Variants in NUF2 observed in about 807,000 individuals in gnomAD.
NUF2 encodes the protein NUF2 component of NDC80 kinetochore complex, also known as kinetochore protein Nuf2.
NUF2 carries 34 observed loss-of-function variants against 61.8 expected under a neutral mutation model. The observed-to-expected ratio is 0.55, with a 90% CI of 0.42 to 0.73. The LOEUF (loss-of-function observed/expected upper bound fraction) is 0.73. NUF2 is among the 30% of genes least tolerant of loss of function. The probability of loss-of-function intolerance (pLI) is 0.00; values close to 1 mark genes in which losing one functional copy is unlikely to be tolerated. For synonymous variants in NUF2, 172 were observed against 181.6 expected, an observed-to-expected ratio of 0.95 and a Z score of 0.42; for missense variants, 445 against 539.1, an observed-to-expected ratio of 0.83 and a Z score of 1.73.
chr1:163,343,546 T>A (rs1651017234), intron 9 of NUF2, among the ~76,000 whole-genome samples, 187 bp from the exon 10 acceptor site: 1 of 152,146 alleles, frequency 6.6e-6, no homozygotes, highest in South Asian at 2.1e-4. Context: ...TTGAATGTCC[T>A]GCTAAGGAGC....
intron 13 of NUF2, among the ~76,000 whole-genome samples, chr1:163,354,717 A>G (rs10449259): frequency 0.42 from 63,198 of 151,940 alleles, 13,538 homozygotes; most frequent in South Asian, 0.59. Context: ...TTTTGTCTAA[A>G]AGAAGTAAAT....
chr1:163,335,534 A>G (rs1286786039), intron 5 of NUF2, among the ~76,000 whole-genome samples: 1 of 151,328 alleles, frequency 6.6e-6, no homozygotes, highest in East Asian at 1.9e-4. Context: ...AGCCGTTTGA[A>G]TATAATGTGA....
chr1:163,347,683 C>T, intron 11 of NUF2, 80 bp from the exon 12 acceptor site: 2 of 980,466 alleles, frequency 2.0e-6, no homozygotes, highest in Non-Finnish European at 2.9e-6. Flanking sequence ...AATTATAGTT[C>T]ATCCTAGAAA....
chr1:163,349,467 A>G (rs955160535), intron 13 of NUF2, among the ~76,000 whole-genome samples: 1 of 152,214 alleles, frequency 6.6e-6, no homozygotes, highest in African/African-American at 2.4e-5. Context: ...CTACCAGAAC[A>G]ATAGTTCAAA....
rs1441708665 is a variant in NUF2 at position 163,340,399 on chromosome 1, A to C, written c.642A>C (p.Ser214=). ...AAGAGGGAAATTCCCAAAAGAAGTC[A>C]AATATTTCAGAGAAAACCAAGCGTT... is the stretch of plus-strand genomic sequence containing the variant. ...VLQEGNSQKK[S]NISEKTKRLN... is the part of the protein sequence containing the mutation. Residue 214 remains serine (S), a synonymous_variant, in exon 9 of 14, where the codon TCA becomes TCC. Transcript: ENST00000271452. 6.2e-7 allele frequency: 1 copy of C among 1,611,590 alleles called. No individual in the cohort carries two copies. Among genetic ancestry groups the C allele is most frequent in the East Asian group, 2.2e-5 (1 of 44,672 alleles).
chr1:163,324,771 A>C (rs1650355450), intron 1 of NUF2, among the ~76,000 whole-genome samples: 1 of 152,164 alleles, frequency 6.6e-6, no homozygotes, highest in Non-Finnish European at 1.5e-5. Context: ...GAAAATGAAA[A>C]GATCCTTACT....
chr1:163,346,580 C>G (rs1042893777), intron 11 of NUF2, among the ~76,000 whole-genome samples: 5 of 152,138 alleles, frequency 3.3e-5, no homozygotes, highest in African/African-American at 1.2e-4. Flanking sequence ...CAGGGCTGGG[C>G]ATGGTGGCTC....
In NUF2 at chr1:163,347,955, A is replaced by T; in HGVS notation, c.1124+17A>T. The T allele has an allele frequency of 1.4e-6, 2 of 1,450,912 alleles. No individual in the cohort carries two copies. Among genetic ancestry groups the T allele is most frequent in the Non-Finnish European group, 1.8e-6 (2 of 1,091,972 alleles). 89.9% of individuals were successfully genotyped at this position (1,450,912 alleles called of 1,614,324 possible). ...AGTAATTGAGTATGGAGTTGTTTTC[A>T]ATTTTAGTGTATTAGAAAGCAATTA... On this transcript the variant is annotated intron_variant, in intron 12 of 13. Coordinates refer to ENST00000271452, the MANE Select transcript of NUF2 (RefSeq NM_145697.3).
chr1:163,346,931 C>CAAT (rs1651155193), intron 11 of NUF2, among the ~76,000 whole-genome samples: 1 of 152,146 alleles, frequency 6.6e-6, no homozygotes, highest in Admixed American at 6.5e-5. Context: ...GAACAGCACA[C>CAAT]AATTTAAAAC....
rs187712112 is a variant in NUF2, at chr1:163,342,536, G to A, written c.670-1197G>A. Among the ~76,000 whole-genome samples the A allele has an allele frequency of 6.6e-5, 10 of 152,202 alleles. No homozygotes were observed. In the East Asian group the frequency reaches 7.7e-4, roughly 12 times the overall value. ...ATTATATCTAACATTCAGTTTTGGC[G>A]TCTGAGTTAGCTGATCAAAAAGTAA... is the stretch of plus-strand genomic sequence containing the variant. On this transcript the variant is annotated intron_variant, in intron 9 of 13. Transcript: ENST00000271452.
At chr1:163,348,853 C>CA in intron 12 of NUF2, 92 bp from the exon 13 acceptor site, 1 of 1,381,920 alleles carries the variant, frequency 7.2e-7, no homozygotes, top group South Asian at 1.3e-5. Context: ...CAAATACTGA[C>CA]ACATGGTCAC....
chr1:163,337,314 A>G (rs1650790405), intron 6 of NUF2, among the ~76,000 whole-genome samples: 1 of 151,908 alleles, frequency 6.6e-6, no homozygotes, highest in African/African-American at 2.4e-5. Flanking sequence ...ACAGACAGAA[A>G]CTCATTTTCC....
At chr1:163,331,782 G>C (rs1233957190) in intron 5 of NUF2, among the ~76,000 whole-genome samples, 1 of 151,940 alleles carries the variant, frequency 6.6e-6, no homozygotes, top group East Asian at 1.9e-4. Context: ...ACATAAAATT[G>C]TTCATTATAT....
intron 6 of NUF2, 140 bp downstream of exon 6, chr1:163,336,988 T>A: frequency 1.7e-6 from 1 of 587,424 alleles, no homozygotes; most frequent in Non-Finnish European, 3.0e-6. Context: ...ATATTTATAT[T>A]AACTTGCAGA....
intron 5 of NUF2, among the ~76,000 whole-genome samples, chr1:163,334,628 A>C (rs1331914602): frequency 6.6e-6 from 1 of 152,118 alleles, no homozygotes; most frequent in Non-Finnish European, 1.5e-5. Context: ...AAATGTTAAA[A>C]ATGAGCCAGA....
chr1:163,338,847 C>T (rs2101679017), intron 7 of NUF2, among the ~76,000 whole-genome samples: 1 of 152,112 alleles, frequency 6.6e-6, no homozygotes, highest in South Asian at 2.1e-4. Context: ...ACAAAGCAGT[C>T]CTGTAAACTG....
At chr1:163,354,220 C>G (rs1651416092) in intron 13 of NUF2, among the ~76,000 whole-genome samples, 2 of 152,096 alleles carry the variant, frequency 1.3e-5, no homozygotes, top group Non-Finnish European at 2.9e-5. Flanking sequence ...CATATTCTAT[C>G]ATAGTTGTAG....
intron 5 of NUF2, among the ~76,000 whole-genome samples, chr1:163,335,584 T>C (rs369026714): frequency 6.6e-5 from 10 of 152,256 alleles, no homozygotes; most frequent in Non-Finnish European, 1.5e-4. Context: ...TGTTTGTTTT[T>C]CTGTTCTTTC....
At chr1:163,325,272 A>C (rs182126265) in intron 1 of NUF2, among the ~76,000 whole-genome samples, 2 of 152,266 alleles carry the variant, frequency 1.3e-5, no homozygotes, top group Admixed American at 6.5e-5. Context: ...GTTTGGCAGC[A>C]TCCCTGGTCT....
Sources: gnomAD v4.1 joint callset for allele counts (sites outside exome capture counted in the v4.1 genomes callset) on GRCh38, gnomAD v4.1.1 for gene constraint, MANE v1.5 for transcripts, NCBI Gene and HGNC (gene_info 2026-07-23, HGNC 2026-07-21) for gene names.